WRAP73: variants seen among roughly 807,000 people sequenced by gnomAD.
WRAP73 encodes WD repeat containing, antisense to TP73.
Under a neutral mutation model 59.6 loss-of-function variants are expected in WRAP73, and 55 were observed. That is an observed-to-expected ratio of 0.92 (90% CI 0.74 to 1.15). The LOEUF (loss-of-function observed/expected upper bound fraction) is 1.15, where lower values mean the gene tolerates loss of function less well. Ranked by LOEUF, WRAP73 falls within the 50% of genes most tolerant of loss-of-function variation. WRAP73 has a pLI of 0.00. For missense variants in WRAP73, 592 were observed against 608.1 expected (o/e 0.97, Z 0.28); for synonymous variants, 265 against 258.2 (o/e 1.03, Z -0.25).
rs185265767 is a variant in WRAP73, at chr1:3,630,927, C to T, written c.*48G>A. 53 of 1,577,392 alleles carry T rather than the reference C, an allele frequency of 3.4e-5. No homozygotes were observed. In the African/African-American group the frequency reaches 5.9e-4, roughly 18 times the overall value. ...TGGTGAAGCTGTGTTTTTTCCCACA[C>T]TGGAAACACAGAGTAGCCCTGTTTC... On this transcript the variant is annotated 3_prime_UTR_variant, in exon 12 of 12. Transcript: ENST00000270708.
chr1:3,646,633 T>C lies in WRAP73; in HGVS notation c.339+33A>G. ...TTCGAGAGCAGAGGACAGGATCACATGGCCAGTAAGGTGTCTTGGGGCTGA... is the reference window on the plus strand; with the variant it reads ...TTCGAGAGCAGAGGACAGGATCACACGGCCAGTAAGGTGTCTTGGGGCTGA... On this transcript the variant is annotated intron_variant, in intron 3 of 11. Transcript: ENST00000270708. The surrounding 1 kb of genome is among the most constrained non-coding windows in gnomAD (Gnocchi z 5.1). 3.2e-6 allele frequency: 5 copies of C among 1,554,306 alleles called. No homozygotes were observed. Among genetic ancestry groups the C allele is most frequent in the South Asian group, 1.1e-5 (1 of 88,572 alleles).
At position 3,649,921 on chromosome 1, in the gene WRAP73, C is replaced by T; in HGVS notation, c.69+10G>A. On this transcript the variant is annotated intron_variant, in intron 1 of 11. Coordinates refer to ENST00000270708, the MANE Select transcript of WRAP73 (RefSeq NM_017818.4). ...ATGTCCTGCCCGTGGCCCAGGTCCCCGCCGCTCACCAGGTACTTGCCGTCC... is the reference window on the plus strand; with the variant it reads ...ATGTCCTGCCCGTGGCCCAGGTCCCTGCCGCTCACCAGGTACTTGCCGTCC... The T allele has an allele frequency of 6.3e-7, 1 of 1,596,210 alleles. No individual in the cohort carries two copies. Among genetic ancestry groups the T allele is most frequent in the Non-Finnish European group, 8.5e-7 (1 of 1,173,162 alleles).
rs1644585792 is a variant in WRAP73, at chr1:3,635,986, G to A, written c.561C>T (p.Ala187=). The A allele has an allele frequency of 1.2e-6, 2 of 1,613,848 alleles. No individual in the cohort carries two copies. Among genetic ancestry groups the A allele is most frequent in the African/African-American group, 1.3e-5 (1 of 74,892 alleles). Residue 187 remains alanine (A), a synonymous_variant, in exon 6 of 12, where the codon GCC becomes GCT. Transcript: ENST00000270708. ...ACACTGCCAGCACACAGCCGTTTGGGGCCCACTCAATCCCTGTGAGATCCT... is the reference window on the plus strand; with the variant it reads ...ACACTGCCAGCACACAGCCGTTTGGAGCCCACTCAATCCCTGTGAGATCCT... The part of the protein sequence containing the change: ...DTQDLTGIEW[A]PNGCVLAVWD...
rs772045697 is a variant in WRAP73, at chr1:3,630,928, T to C, written c.*47A>G. The stretch of plus-strand genomic sequence containing the variant: ...GGTGAAGCTGTGTTTTTTCCCACAC[T>C]GGAAACACAGAGTAGCCCTGTTTCT... On this transcript the variant is annotated 3_prime_UTR_variant, in exon 12 of 12. Transcript: ENST00000270708. The C allele has an allele frequency of 3.2e-6, 5 of 1,580,142 alleles. No individual in the cohort carries two copies. In the African/African-American group the frequency reaches 6.7e-5, roughly 21 times the overall value.
chr1:3,640,124 A>G (rs1301267740), intron 3 of WRAP73, among the ~76,000 whole-genome samples: 1 of 152,224 alleles, frequency 6.6e-6, no homozygotes, highest in Admixed American at 6.5e-5. Flanking sequence ...TAGTGGATCA[A>G]CGAGCTCCAG....
In WRAP73 at chr1:3,631,455, G is replaced by C. The variant is rs1353125845; in HGVS notation, c.1240+11C>G. On this transcript the variant is annotated intron_variant, in intron 11 of 11. Transcript: ENST00000270708. ...AGGCTGCCACGTCCGTGGCCTCGGG[G>C]ATGTGCTTACCTTCCCCAGGCACCT... 2.4e-5 allele frequency: 38 copies of C among 1,582,440 alleles called. No individual in the cohort carries two copies. Among genetic ancestry groups the C allele is most frequent in the Non-Finnish European group, 3.0e-5 (35 of 1,163,776 alleles).
At chr1:3,647,334 G>A in intron 2 of WRAP73, 74 bp downstream of exon 2, 13 of 1,430,512 alleles carry the variant, frequency 9.1e-6, no homozygotes, top group Middle Eastern at 4.2e-4. Context: ...AACTAGAAAG[G>A]CACAGAACAA....
chr1:3,639,026 T>A lies in WRAP73; in HGVS notation c.340-204A>T. Reference sequence around the variant, plus strand: ...TTACGGTAAATTTGGTGTTCTTGGTTTTCTGTTGTTGTTGTTTTATACCAA... The same window carrying A: ...TTACGGTAAATTTGGTGTTCTTGGTATTCTGTTGTTGTTGTTTTATACCAA... On this transcript the variant is annotated intron_variant, in intron 3 of 11. Transcript: ENST00000270708. The surrounding 1 kb of genome is among the most constrained non-coding windows in gnomAD (Gnocchi z 4.3). 2 of 553,518 alleles carry A rather than the reference T, an allele frequency of 3.6e-6. No individual in the cohort carries two copies. Among genetic ancestry groups the A allele is most frequent in the Non-Finnish European group, 6.2e-6 (2 of 321,580 alleles). 34.3% of individuals were successfully genotyped at this position (553,518 alleles called of 1,614,324 possible).
intron 10 of WRAP73, 25 bp downstream of exon 10, chr1:3,632,188 C>T (rs912962727): frequency 4.4e-6 from 7 of 1,602,120 alleles, no homozygotes; most frequent in Non-Finnish European, 6.0e-6. Flanking sequence ...AAGGGTGAGA[C>T]AGCACCTGCG....
intron 5 of WRAP73, chr1:3,636,260 TC>T: frequency 1.8e-6 from 1 of 550,472 alleles, no homozygotes; most frequent in Admixed American, 3.1e-5. Flanking sequence ...CGGCTTGGTC[TC>T]CCCGCGCCTG....
intron 9 of WRAP73, 39 bp downstream of exon 9, chr1:3,633,359 T>C: frequency 6.4e-7 from 1 of 1,567,214 alleles, no homozygotes; most frequent in Non-Finnish European, 8.8e-7. Flanking sequence ...AATCTTGCAT[T>C]AAAAAAGGAA....
chr1:3,638,901 C>A (rs1459175443), intron 3 of WRAP73, 79 bp from the exon 4 acceptor site: 4 of 1,533,810 alleles, frequency 2.6e-6, no homozygotes, highest in Middle Eastern at 1.7e-4. Context: ...AACCCGCCCA[C>A]GCGTCCCCAA....
intron 8 of WRAP73, 85 bp downstream of exon 8, chr1:3,634,912 C>A (rs1644574729): frequency 2.7e-6 from 4 of 1,491,730 alleles, no homozygotes; most frequent in Non-Finnish European, 2.8e-6. Flanking sequence ...TAATAAACCA[C>A]AATCAAGAAA....
At position 3,646,184 on chromosome 1, in the gene WRAP73, C is replaced by G. The variant is rs1484364904; in HGVS notation, c.339+482G>C. Among the ~76,000 whole-genome samples the G allele has an allele frequency of 3.3e-5, 5 of 152,304 alleles. No individual in the cohort carries two copies. The East Asian group carries it at 7.7e-4, about 24-fold the overall frequency. The stretch of plus-strand genomic sequence containing the variant: ...GGGCAGCAGACAGTGCCTGTGTTCA[C>G]GACACCCTTATCTGACTCAGTAGCA... On this transcript the variant is annotated intron_variant, in intron 3 of 11. Transcript: ENST00000270708. This position sits in a 1 kb window ranked among gnomAD's most constrained non-coding sequence, Gnocchi z 5.1.
rs149705127 is a variant in WRAP73 at position 3,638,819 on chromosome 1, G to A, written c.343C>T (p.Arg115Trp). 18 of 1,613,834 alleles carry A rather than the reference G, an allele frequency of 1.1e-5. No homozygotes were observed. The highest frequency in any genetic ancestry group is 2.2e-5 in the East Asian group (1 of 44,892). The change falls in exon 4 of 12, where the codon CGG (arginine) becomes TGG (tryptophan). Residue 115 changes from arginine (R) to tryptophan (W), a missense_variant. Transcript: ENST00000270708. ...GTGCACAAGGACCAGACGGTTATCCGCAGCTGTTGGGGGAAAGGGGAAAGA... is the reference window on the plus strand; with the variant it reads ...GTGCACAAGGACCAGACGGTTATCCACAGCTGTTGGGGGAAAGGGGAAAGA... ...HILNTTEFHL[R>W]ITVWSLCTKS... is the part of the protein sequence containing the mutation.
intron 1 of WRAP73, 146 bp from the exon 2 acceptor site, chr1:3,647,706 C>T (rs763425866): frequency 3.7e-6 from 3 of 820,252 alleles, no homozygotes; most frequent in Non-Finnish European, 5.7e-6. Context: ...CATCCCCAGC[C>T]CCTAAAGATC....
At chr1:3,643,656 C>T (rs61753921) in intron 3 of WRAP73, among the ~76,000 whole-genome samples, 2 of 84,614 alleles carry the variant, frequency 2.4e-5, no homozygotes, top group East Asian at 5.1e-4. Context: ...GAAGGGGACC[C>T]AGCGGCCCCG....
intron 1 of WRAP73, 93 bp from the exon 2 acceptor site, chr1:3,647,653 G>C: frequency 7.0e-7 from 1 of 1,419,600 alleles, no homozygotes; most frequent in Middle Eastern, 1.9e-4. Context: ...AGTGACTGTG[G>C]CCTTCTCTCC....
intron 3 of WRAP73, among the ~76,000 whole-genome samples, chr1:3,644,309 G>T (rs1644669755): frequency 1.5e-5 from 1 of 68,690 alleles, no homozygotes; most frequent in Admixed American, 1.5e-4. Context: ...CGCGCCTTCG[G>T]AAGGGGACCC....
Sources: allele counts gnomAD v4.1 joint callset (sites outside exome capture counted in the v4.1 genomes callset), GRCh38; gene constraint gnomAD v4.1.1; non-coding constraint Gnocchi (gnomAD v3.1); transcripts MANE v1.5; gene names NCBI Gene and HGNC (gene_info 2026-07-23, HGNC 2026-07-21).